Variants in SPTB observed in about 807,000 individuals in gnomAD.
SPTB encodes spectrin beta chain, erythrocytic.
A neutral mutation model predicts 256.2 loss-of-function variants in SPTB; 45 were observed. The ratio of observed to expected loss-of-function variants is 0.18; its 90% confidence interval spans 0.14 to 0.23. The LOEUF is 0.23. SPTB is among the 10% of genes least tolerant of loss of function. The pLI, the probability that SPTB is intolerant of heterozygous loss-of-function variation, is 1.00. For synonymous variants in SPTB, 1,231 were observed against 1,243.1 expected, an observed-to-expected ratio of 0.99 and a Z score of 0.21; for missense variants, 2,715 against 3,040.4, an observed-to-expected ratio of 0.89 and a Z score of 2.52.
Position 64,852,800 on chromosome 14 carries a change from C to A in SPTB, c.-52+26992G>T, listed in dbSNP as rs2083808215. Among the ~76,000 whole-genome samples the A allele has an allele frequency of 6.6e-6, 1 of 152,188 alleles. No individual in the cohort carries two copies. Among genetic ancestry groups the A allele is most frequent in the Non-Finnish European group, 1.5e-5 (1 of 68,040 alleles). ...CAGAATTTCATAGCAAGCCCTTACC[C>A]TGTGCTCACCATAATGTTAGGTGTT... On this transcript the variant is annotated intron_variant, in intron 1 of 35. Transcript: ENST00000644917. The surrounding 1 kb of genome is among the most constrained non-coding windows in gnomAD (Gnocchi z 4.2).
intron 32 of SPTB, chr14:64,754,217 G>A (rs557219235): frequency 3.1e-6 from 1 of 321,908 alleles, no homozygotes; most frequent in African/African-American, 2.1e-5. Flanking sequence ...CTGCTGCTAA[G>A]ACAAGTTCGG....
At chr14:64,787,257 G>T in intron 15 of SPTB, 97 bp from the exon 16 acceptor site, 2 of 1,496,152 alleles carry the variant, frequency 1.3e-6, no homozygotes, top group Non-Finnish European at 1.8e-6. Flanking sequence ...TTTCCCACAA[G>T]TCTCCCCCCA....
chr14:64,771,534 A>G (rs908254628), intron 26 of SPTB, among the ~76,000 whole-genome samples: 1 of 152,160 alleles, frequency 6.6e-6, no homozygotes, highest in Non-Finnish European at 1.5e-5. Context: ...AAGGAAGCTA[A>G]GTAACTGGTC....
chr14:64,872,010 A>G (rs1172881771), intron 1 of SPTB, among the ~76,000 whole-genome samples: 3 of 152,260 alleles, frequency 2.0e-5, no homozygotes, highest in African/African-American at 7.2e-5. Context: ...AACAGTACAA[A>G]GTACACAGCA....
At chr14:64,763,351 G>A (rs1566738670) in intron 32 of SPTB, among the ~76,000 whole-genome samples, 1 of 152,228 alleles carries the variant, frequency 6.6e-6, no homozygotes, top group East Asian at 1.9e-4. Flanking sequence ...CGTAGCAGAG[G>A]TGCAGCCCCA....
intron 1 of SPTB, among the ~76,000 whole-genome samples, chr14:64,855,496 CTTAATT>C (rs1430227462): frequency 6.6e-6 from 1 of 151,978 alleles, no homozygotes; most frequent in East Asian, 1.9e-4. Context: ...TCTAACATGA[CTTAATT>C]TTTTTATTAT....
intron 15 of SPTB, among the ~76,000 whole-genome samples, chr14:64,788,089 T>C (rs577254970): frequency 1.3e-5 from 2 of 152,280 alleles, no homozygotes; most frequent in African/African-American, 4.8e-5. Flanking sequence ...ACAAATAACA[T>C]AGCATAAAGT....
chr14:64,762,059 C>T (rs546002634), intron 32 of SPTB, among the ~76,000 whole-genome samples: 2 of 152,200 alleles, frequency 1.3e-5, no homozygotes, highest in South Asian at 2.1e-4. Flanking sequence ...TGCCCAGCAG[C>T]GGGCAGGTGT....
chr14:64,756,099 T>C (rs2082013516), intron 32 of SPTB: 1 of 152,182 alleles, frequency 6.6e-6, no homozygotes, highest in African/African-American at 2.4e-5. Flanking sequence ...GGAACCTAAA[T>C]AGAGTGTGAC....
chr14:64,786,783 C>T lies in SPTB; in HGVS notation c.3182G>A (p.Ser1061Asn), dbSNP rs2082578213. Residue 1061 changes from serine to asparagine, a missense_variant, in exon 16 of 36, where the codon AGC becomes AAC. By Grantham distance (46) the Ser-to-Asn change is conservative. This residue lies in a region of SPTB where 2,239 missense variants were observed against 2,384.4 expected (regional missense o/e 0.94). Transcript: ENST00000644917. The surrounding 1 kb of genome is among the most constrained non-coding windows in gnomAD (Gnocchi z 5.6). ...QGQEDLLGEV[S>N]QLQAFLQDLD... ...ATCCTGCAGGAAGGCCTGCAGCTGG[C>T]TGACTTCCCCCAGCAAGTCCTCCTG... is the stretch of plus-strand genomic sequence containing the variant. 1.2e-6 allele frequency: 2 copies of T among 1,614,040 alleles called. No homozygotes were observed. Among genetic ancestry groups the T allele is most frequent in the African/African-American group, 2.7e-5 (2 of 75,034 alleles).
At position 64,770,978 on chromosome 14, in the gene SPTB, G is replaced by T. The variant is rs747851511; in HGVS notation, c.5705C>A (p.Thr1902Lys). The change falls in exon 27 of 36, where the codon ACG becomes AAG. Residue 1902 changes from threonine (T) to lysine (K), a missense_variant. Physicochemically the swap from Thr to Lys is moderately conservative, Grantham distance 78 (BLOSUM62 -1). Around this residue, in one of 4 missense-constraint regions of SPTB, gnomAD observed 2,239 missense variants for 2,384.4 expected, o/e 0.94. Coordinates refer to ENST00000644917, the MANE Select transcript of SPTB (RefSeq NM_001355436.2). ...CAGRRTQLVDTADKFRFFSMA... is the reference protein window; with the variant it reads ...CAGRRTQLVDKADKFRFFSMA... ...GCTGAAGAAGCGGAATTTATCCGCC[G>T]TGTCCACTAGCTGGGTCCGGCGCCC... 12 of 1,613,996 alleles carry T rather than the reference G, an allele frequency of 7.4e-6. No homozygotes were observed. Among genetic ancestry groups the T allele is most frequent in the African/African-American group, 1.3e-5 (1 of 74,936 alleles).
At position 64,869,345 on chromosome 14, in the gene SPTB, G is replaced by A. The variant is rs191101823; in HGVS notation, c.-52+10447C>T. Among the ~76,000 whole-genome samples, 97 of 152,278 alleles carry A rather than the reference G, an allele frequency of 6.4e-4. No individual in the cohort carries two copies. In the East Asian group the frequency reaches 7.9e-3, roughly 12 times the overall value. On this transcript the variant is annotated intron_variant, in intron 1 of 35. Coordinates refer to ENST00000644917, the MANE Select transcript of SPTB (RefSeq NM_001355436.2). ...GTTAAAATTATATGAACTTAGTTAC[G>A]TGTAATTTCAAACATTCATTCTTTA... is the stretch of plus-strand genomic sequence containing the variant.
In SPTB at chr14:64,767,037, G is replaced by A. The variant is rs115531922; in HGVS notation, c.6270-236C>T. Among the ~76,000 whole-genome samples the A allele has an allele frequency of 6.2e-3, 950 of 152,296 alleles. 10 individuals are homozygous for A. The highest frequency in any genetic ancestry group is 0.022 in the African/African-American group (910 of 41,552). ...CAGGCAGAACGGCCTGTGGGGCCCCGTGTTCAGGTGGCTCCGAGGTGGGGC... is the reference window on the plus strand; with the variant it reads ...CAGGCAGAACGGCCTGTGGGGCCCCATGTTCAGGTGGCTCCGAGGTGGGGC... On this transcript the variant is annotated intron_variant, in intron 31 of 35. Coordinates refer to ENST00000644917, the MANE Select transcript of SPTB (RefSeq NM_001355436.2).
At chr14:64,836,654 C>A (rs141251820) in intron 1 of SPTB, among the ~76,000 whole-genome samples, 1 of 152,180 alleles carries the variant, frequency 6.6e-6, no homozygotes, top group African/African-American at 2.4e-5. Flanking sequence ...TCAGACCTAG[C>A]GGCCATCCTA....
chr14:64,801,139 T>C, intron 7 of SPTB, 146 bp downstream of exon 7: 1 of 715,756 alleles, frequency 1.4e-6, no homozygotes, highest in Non-Finnish European at 2.4e-6. Flanking sequence ...GATCAGAGCC[T>C]GGCCTGGCCA....
Position 64,802,097 on chromosome 14 carries a change from T to C in SPTB, c.566+129A>G, listed in dbSNP as rs1453448290. 1.0e-6 allele frequency: 1 copy of C among 976,498 alleles called. No homozygotes were observed. The highest frequency in any genetic ancestry group is 1.6e-6 in the Non-Finnish European group (1 of 621,098). The allele number at this position is 976,498 out of a possible 1,614,324, so 60.5% of individuals were successfully genotyped here. A position where few individuals can be genotyped will look rare whatever the true frequency, so the allele number is the denominator to read the frequency against. On this transcript the variant is annotated intron_variant, in intron 5 of 35. Transcript: ENST00000644917. The surrounding 1 kb of genome is among the most constrained non-coding windows in gnomAD (Gnocchi z 5.1). ...TCAAAGAATCAGGTCAGGACAGACT[T>C]TGCATCAATTACAGGGAGGCAGCTG...
At chr14:64,753,289 T>C (rs968821386) in intron 33 of SPTB, among the ~76,000 whole-genome samples, 3 of 152,018 alleles carry the variant, frequency 2.0e-5, no homozygotes, top group Non-Finnish European at 2.9e-5. Flanking sequence ...GGGAAACCGA[T>C]TTAAAGAGGT....
At chr14:64,788,244 C>T (rs1047263561) in intron 15 of SPTB, among the ~76,000 whole-genome samples, 4 of 152,196 alleles carry the variant, frequency 2.6e-5, no homozygotes, top group Non-Finnish European at 5.9e-5. Context: ...AGTGCCTCCA[C>T]TGGAGTGACC....
chr14:64,842,904 T>TA (rs2083630037), intron 1 of SPTB, among the ~76,000 whole-genome samples: 1 of 151,926 alleles, frequency 6.6e-6, no homozygotes, highest in Non-Finnish European at 1.5e-5. Context: ...CCTGTCTCTA[T>TA]AAAAAATAAA....
Sources: gnomAD v4.1 joint callset for allele counts (sites outside exome capture counted in the v4.1 genomes callset) on GRCh38, gnomAD v4.1.1 for gene constraint, gnomAD v4.1.1 regional missense constraint, Gnocchi (gnomAD v3.1) non-coding constraint, MANE v1.5 for transcripts, NCBI Gene and HGNC (gene_info 2026-07-23, HGNC 2026-07-21) for gene names.